CNTNAP2: variants seen among roughly 807,000 people sequenced by gnomAD.
The protein encoded by CNTNAP2 is contactin-associated protein-like 2.
CNTNAP2 carries 98 observed loss-of-function variants against 155.2 expected under a neutral mutation model. That is an observed-to-expected ratio of 0.63 (90% CI 0.54 to 0.75). CNTNAP2 has a LOEUF of 0.75. Among genes scored for constraint, CNTNAP2 ranks in the 30% least tolerant of loss-of-function variants. The pLI is 0.00. For missense variants in CNTNAP2, 1,727 were observed against 1,688.1 expected, an observed-to-expected ratio of 1.02 and a Z score of -0.40; for synonymous variants, 651 against 631.2, an observed-to-expected ratio of 1.03 and a Z score of -0.47.
At position 146,734,581 on chromosome 7, in the gene CNTNAP2, C is replaced by T. The variant is rs534040578; in HGVS notation, c.98-39690C>T. On this transcript the variant is annotated intron_variant, in intron 1 of 23. Coordinates refer to ENST00000361727, the MANE Select transcript of CNTNAP2 (RefSeq NM_014141.6). Reference sequence around the variant, plus strand: ...ACAACAGAGATTCTGAGGAAATCAACATATCCTACATCAAGGAAATAGATT... The same window carrying T: ...ACAACAGAGATTCTGAGGAAATCAATATATCCTACATCAAGGAAATAGATT... Among the ~76,000 whole-genome samples the T allele has an allele frequency of 1.4e-4, 21 of 152,212 alleles. 1 individual carries two copies. Among genetic ancestry groups the T allele is most frequent in the Admixed American group, 1.2e-3 (19 of 15,278 alleles).
intron 4 of CNTNAP2, chr7:147,083,125 G>A (rs773882482): frequency 6.6e-6 from 1 of 152,044 alleles, no homozygotes; most frequent in Non-Finnish European, 1.5e-5. Flanking sequence ...GGATAGTTCA[G>A]GACTGGCTCC....
intron 3 of CNTNAP2, among the ~76,000 whole-genome samples, chr7:146,921,537 G>T (rs1462420619): frequency 6.6e-6 from 1 of 152,112 alleles, no homozygotes; most frequent in Non-Finnish European, 1.5e-5. Context: ...AGCTGGGGAG[G>T]CCTCATAATC....
chr7:146,693,159 T>G (rs925040923), intron 1 of CNTNAP2, among the ~76,000 whole-genome samples: 1 of 152,140 alleles, frequency 6.6e-6, no homozygotes, highest in African/African-American at 2.4e-5. Flanking sequence ...GTAACAAAGA[T>G]AGCATTGTGC....
intron 3 of CNTNAP2, among the ~76,000 whole-genome samples, chr7:146,992,573 C>T (rs1324302645): frequency 6.6e-6 from 1 of 152,136 alleles, no homozygotes; most frequent in Non-Finnish European, 1.5e-5. Context: ...AGAGGCCAGG[C>T]TCCTGCCCCC....
At chr7:146,609,947 A>AC (rs1231941803) in intron 1 of CNTNAP2, among the ~76,000 whole-genome samples, 1 of 152,140 alleles carries the variant, frequency 6.6e-6, no homozygotes, top group East Asian at 1.9e-4. Flanking sequence ...AATGGTCTGC[A>AC]CCCCAGACAC....
chr7:146,400,751 A>G (rs913250471), intron 1 of CNTNAP2, among the ~76,000 whole-genome samples: 1 of 152,330 alleles, frequency 6.6e-6, no homozygotes. Context: ...GCTCTGGGAA[A>G]CCTTAGTGGG....
intron 1 of CNTNAP2, among the ~76,000 whole-genome samples, chr7:146,395,866 C>T (rs1639480): frequency 0.41 from 61,498 of 149,572 alleles, 14,518 homozygotes; most frequent in African/African-American, 0.64. Flanking sequence ...ATTAGATGGA[C>T]AGGTATGTAG....
At chr7:147,365,946 T>A (rs1796223095) in intron 9 of CNTNAP2, among the ~76,000 whole-genome samples, 1 of 152,200 alleles carries the variant, frequency 6.6e-6, no homozygotes, top group Non-Finnish European at 1.5e-5. Flanking sequence ...TTTCATTCTC[T>A]TTCCTTAAAT....
chr7:148,309,788 G>A (rs1461738943), intron 21 of CNTNAP2, among the ~76,000 whole-genome samples: 1 of 152,124 alleles, frequency 6.6e-6, no homozygotes, highest in Non-Finnish European at 1.5e-5. Flanking sequence ...CAGGTCACAG[G>A]GGATATGATG....
At chr7:148,264,591 C>A (rs1796633038) in intron 20 of CNTNAP2, among the ~76,000 whole-genome samples, 1 of 152,148 alleles carries the variant, frequency 6.6e-6, no homozygotes, top group Non-Finnish European at 1.5e-5. Flanking sequence ...TAGCAGGCAA[C>A]TTTTTTTCCG....
intron 13 of CNTNAP2, among the ~76,000 whole-genome samples, chr7:147,647,950 T>G (rs1329110713): frequency 2.6e-5 from 4 of 152,104 alleles, no homozygotes; most frequent in Non-Finnish European, 5.9e-5. Flanking sequence ...CCCCTGTCAT[T>G]ATCTGTTGGG....
At chr7:146,691,136 A>T (rs1800691092) in intron 1 of CNTNAP2, among the ~76,000 whole-genome samples, 1 of 152,090 alleles carries the variant, frequency 6.6e-6, no homozygotes, top group South Asian at 2.1e-4. Context: ...TTAACCAAAC[A>T]ATTTCCGCCA....
At chr7:146,670,630 G>T (rs1297065173) in intron 1 of CNTNAP2, among the ~76,000 whole-genome samples, 1 of 152,162 alleles carries the variant, frequency 6.6e-6, no homozygotes, top group African/African-American at 2.4e-5. Flanking sequence ...TCCTCAGAAT[G>T]AGTATATTCT....
intron 8 of CNTNAP2, among the ~76,000 whole-genome samples, chr7:147,279,069 C>T (rs886744917): frequency 6.6e-6 from 1 of 151,462 alleles, no homozygotes; most frequent in Non-Finnish European, 1.5e-5. Flanking sequence ...ATTCTGAACC[C>T]TATCTTTATG....
chr7:147,719,817 C>T (rs150818565), intron 13 of CNTNAP2, among the ~76,000 whole-genome samples: 1 of 152,250 alleles, frequency 6.6e-6, no homozygotes, highest in East Asian at 1.9e-4. Context: ...TCCATTACCT[C>T]CTCTGTAATT....
intron 1 of CNTNAP2, among the ~76,000 whole-genome samples, chr7:146,366,268 T>C (rs1795154010): frequency 6.6e-6 from 1 of 151,938 alleles, no homozygotes; most frequent in African/African-American, 2.4e-5. Context: ...ATTTTTTTTA[T>C]CCGTTAGTCT....
intron 8 of CNTNAP2, chr7:147,161,622 T>TTCTCTC (rs3084351): frequency 0.35 from 53,039 of 151,408 alleles, 10,005 homozygotes; most frequent in East Asian, 0.58. Context: ...TCATTCAGTA[T>TTCTCTC]TCTCTCTCTC....
At chr7:148,206,796 C>T (rs1041732672) in intron 18 of CNTNAP2, among the ~76,000 whole-genome samples, 54 of 152,318 alleles carry the variant, frequency 3.5e-4, no homozygotes, top group African/African-American at 1.2e-3. Flanking sequence ...TGCTGCATTC[C>T]TCATGCCTTG....
intron 1 of CNTNAP2, among the ~76,000 whole-genome samples, chr7:146,151,674 ATATATATGTATATATATATATATG>A (rs1208930217): frequency 2.4e-5 from 1 of 41,638 alleles, no homozygotes; most frequent in East Asian, 6.7e-4. Context: ...ATATATATAT[ATATATATGTATATATATATATATG>A]TATATATATA....
Sources: allele counts gnomAD v4.1 joint callset (sites outside exome capture counted in the v4.1 genomes callset), GRCh38; gene constraint gnomAD v4.1.1; transcripts MANE v1.5; gene names NCBI Gene and HGNC (gene_info 2026-07-23, HGNC 2026-07-21).